SHQ1: variants seen among roughly 807,000 people sequenced by gnomAD.
SHQ1 encodes protein SHQ1 homolog.
Under a neutral mutation model 53.8 loss-of-function variants are expected in SHQ1, and 49 were observed. That is an observed-to-expected ratio of 0.91 (90% CI 0.72 to 1.16). SHQ1 has a LOEUF of 1.16. Among genes scored for constraint, SHQ1 ranks in the 50% most tolerant of loss-of-function variants. SHQ1 has a pLI of 0.00. For missense variants in SHQ1, 738 were observed against 683.1 expected (o/e 1.08, Z -0.90); for synonymous variants, 243 against 251.0 (o/e 0.97, Z 0.30).
At chr3:72,840,851 A>G (rs1708158109) in intron 4 of SHQ1, among the ~76,000 whole-genome samples, 194 bp downstream of exon 4, 1 of 152,224 alleles carries the variant, frequency 6.6e-6, no homozygotes, top group Admixed American at 6.5e-5. Context: ...CTGTAAGAGC[A>G]GTACAGTTAG....
At chr3:72,775,649 CCA>C (rs1163835848) in intron 10 of SHQ1, among the ~76,000 whole-genome samples, 2 of 151,898 alleles carry the variant, frequency 1.3e-5, no homozygotes, top group African/African-American at 4.8e-5. Context: ...TTGTAGGCAC[CCA>C]CAGAGTTTGC....
chr3:72,813,282 C>A (rs1392865003), intron 8 of SHQ1, among the ~76,000 whole-genome samples: 3 of 151,798 alleles, frequency 2.0e-5, no homozygotes, highest in Admixed American at 1.3e-4. Flanking sequence ...CCCTGGCCAA[C>A]ATGGCAAAAC....
At chr3:72,748,979 A>G (rs933117195), downstream of SHQ1, among the ~76,000 whole-genome samples, 22 of 151,554 alleles carry the variant, frequency 1.5e-4, no homozygotes, top group African/African-American at 5.1e-4. Context: ...ACGCACACAC[A>G]CACACACACA....
chr3:72,833,508 A>AGATGGAT (rs1559696392), intron 4 of SHQ1, among the ~76,000 whole-genome samples: 12 of 41,470 alleles, frequency 2.9e-4, no homozygotes, highest in East Asian at 3.3e-3. Flanking sequence ...ATAGACAGAC[A>AGATGGAT]GACAGACAGA....
chr3:72,810,917 G>C (rs891795802), intron 9 of SHQ1, among the ~76,000 whole-genome samples: 2 of 152,166 alleles, frequency 1.3e-5, no homozygotes, highest in Non-Finnish European at 2.9e-5. Flanking sequence ...GAGGCCTCCA[G>C]TGTGTTACTT....
chr3:72,833,502 ACAGAC>A (rs1397759330), intron 4 of SHQ1, among the ~76,000 whole-genome samples: 30 of 25,044 alleles, frequency 1.2e-3, no homozygotes, highest in Admixed American at 5.0e-3. Flanking sequence ...AGATAGATAG[ACAGAC>A]AGACAGACAG....
At position 72,818,766 on chromosome 3, in the gene SHQ1, T is replaced by C. The variant is rs527287311; in HGVS notation, c.728-1382A>G. 3.3e-5 allele frequency among the ~76,000 whole-genome samples: 5 copies of C among 152,282 alleles called. No individual in the cohort carries two copies. The South Asian group carries it at 1.0e-3, about 32-fold the overall frequency. ...AAAGCCAGGGACTCGCCTGCTAGTT[T>C]TGAAGAAATAAGATGTCACATGGTG... On this transcript the variant is annotated intron_variant, in intron 6 of 10. Transcript: ENST00000325599.
At chr3:72,808,696 T>C (rs1707029793) in intron 9 of SHQ1, among the ~76,000 whole-genome samples, 1 of 152,086 alleles carries the variant, frequency 6.6e-6, no homozygotes, top group Non-Finnish European at 1.5e-5. Flanking sequence ...TTATGGGGTG[T>C]CCGAACAAAC....
chr3:72,778,913 T>C (rs575836792), intron 10 of SHQ1, among the ~76,000 whole-genome samples: 6 of 152,356 alleles, frequency 3.9e-5, no homozygotes, highest in African/African-American at 1.2e-4. Context: ...ATCCTCCATG[T>C]TGCCTTCTTC....
intron 4 of SHQ1, among the ~76,000 whole-genome samples, chr3:72,838,363 A>C (rs996858094): frequency 1.3e-5 from 2 of 152,248 alleles, no homozygotes; most frequent in African/African-American, 2.4e-5. Context: ...TTTCCCCTAC[A>C]TTAGGGAATA....
Position 72,848,378 on chromosome 3 carries a change from C to CACTGCCGCCG in SHQ1, c.-48_-39dup, listed in dbSNP as rs763274234. ...CGCAAGGGCCGGCGCCGCTCGCTCTCACTGCCGCCGCGTTCCCGCCACGCA... is the reference window on the plus strand; with the variant it reads ...CGCAAGGGCCGGCGCCGCTCGCTCTCACTGCCGCCGACTGCCGCCGCGTTCCCGCCACGCA... On this transcript the variant is annotated 5_prime_UTR_variant, in exon 1 of 11. Transcript: ENST00000325599. 6.2e-7 allele frequency: 1 copy of CACTGCCGCCG among 1,609,028 alleles called. No individual in the cohort carries two copies.
rs1483518437 is a variant in SHQ1, at chr3:72,759,464, GC to G, written c.1182-8629del. Among the ~76,000 whole-genome samples, 715 of 152,294 alleles carry G rather than the reference GC, an allele frequency of 4.7e-3. 2 individuals are homozygous for G. The highest frequency in any genetic ancestry group is 0.015 in the African/African-American group (625 of 41,534). ...CCAGCACTTTGGGAGGCCAAGGTGG[GC>G]GGATCACTTGAGGTCAGGAGTTCGA... On this transcript the variant is annotated intron_variant, in intron 10 of 10. Transcript: ENST00000325599.
At chr3:72,748,508 T>C (rs903545063), downstream of SHQ1, among the ~76,000 whole-genome samples, 17 of 151,924 alleles carry the variant, frequency 1.1e-4, no homozygotes, top group Admixed American at 9.2e-4. Context: ...CTGGGCAACA[T>C]GGCAAAACCC....
intron 10 of SHQ1, among the ~76,000 whole-genome samples, chr3:72,776,581 T>C (rs1227834036): frequency 6.6e-6 from 1 of 150,708 alleles, no homozygotes; most frequent in East Asian, 1.9e-4. Context: ...TTGTAAGTAA[T>C]TTTTTTAAAA....
At chr3:72,726,844 T>A in the SHQ1 span, among the ~76,000 whole-genome samples, 1 of 152,162 alleles carries the variant, frequency 6.6e-6, no homozygotes, top group South Asian at 2.1e-4. Flanking sequence ...GATTTCCACC[T>A]CATTAGATCA....
intron 10 of SHQ1, among the ~76,000 whole-genome samples, chr3:72,756,037 T>C (rs1375819583): frequency 6.6e-6 from 1 of 152,174 alleles, no homozygotes; most frequent in Non-Finnish European, 1.5e-5. Flanking sequence ...TAGCTGGGAC[T>C]ACAGGCACAT....
At chr3:72,753,079 C>G (rs1705423464) in intron 10 of SHQ1, 3 of 985,296 alleles carry the variant, frequency 3.0e-6, no homozygotes, top group Non-Finnish European at 2.4e-6. Context: ...TCTAAAAGAA[C>G]CAACATGACA....
intron 1 of SHQ1, chr3:72,846,437 A>C (rs1325806646): frequency 1.3e-6 from 1 of 769,888 alleles, no homozygotes; most frequent in African/African-American, 1.8e-5. Context: ...CTAGGACTAC[A>C]AGCGCGTGCC....
chr3:72,781,210 C>A lies in SHQ1; in HGVS notation c.1181+11706G>T, dbSNP rs146987399. Among the ~76,000 whole-genome samples the A allele has an allele frequency of 9.3e-4, 142 of 152,068 alleles. 3 individuals carry two copies. In the East Asian group the frequency reaches 0.023, roughly 25 times the overall value. Reference sequence around the variant, plus strand: ...AAGTAGCTGGGATTACAGGCACGTGCCACCATGCTAATTTTTGTATTCTTA... The same window carrying A: ...AAGTAGCTGGGATTACAGGCACGTGACACCATGCTAATTTTTGTATTCTTA... On this transcript the variant is annotated intron_variant, in intron 10 of 10. Coordinates refer to ENST00000325599, the MANE Select transcript of SHQ1 (RefSeq NM_018130.3).
Sources: allele counts gnomAD v4.1 joint callset (sites outside exome capture counted in the v4.1 genomes callset), GRCh38; gene constraint gnomAD v4.1.1; transcripts MANE v1.5; gene names NCBI Gene and HGNC (gene_info 2026-07-23, HGNC 2026-07-21).